The following RECQL5 variants were observed in gnomAD, a reference collection of about 807,000 sequenced individuals.
RECQL5 encodes ATP-dependent DNA helicase Q5.
Under a neutral mutation model 103.4 loss-of-function variants are expected in RECQL5, and 88 were observed. That is an observed-to-expected ratio of 0.85 (90% CI 0.72 to 1.02). The LOEUF is 1.02. Among genes scored for constraint, RECQL5 ranks in the 50% least tolerant of loss-of-function variants. RECQL5 has a pLI of 0.00. For missense variants in RECQL5, 1,232 were observed against 1,284.3 expected (o/e 0.96, Z 0.62); for synonymous variants, 552 against 507.9 (o/e 1.09, Z -1.17).
intron 15 of RECQL5, 77 bp from the exon 16 acceptor site, chr17:75,629,552 T>A: frequency 6.7e-7 from 1 of 1,495,584 alleles, no homozygotes; most frequent in Non-Finnish European, 8.9e-7. Context: ...GAGCAGTAAC[T>A]CACATTGGGA....
chr17:75,632,877 G>A (rs979833891), intron 8 of RECQL5, among the ~76,000 whole-genome samples: 1 of 152,226 alleles, frequency 6.6e-6, no homozygotes, highest in Non-Finnish European at 1.5e-5. Flanking sequence ...GACAAGAATA[G>A]CTGGCATTAA....
intron 7 of RECQL5, among the ~76,000 whole-genome samples, chr17:75,657,769 G>C (rs866464638): frequency 1.4e-5 from 2 of 147,812 alleles, no homozygotes; most frequent in Non-Finnish European, 3.0e-5. Flanking sequence ...AAAAAAAAAA[G>C]GTGGGCACAG....
Position 75,630,977 on chromosome 17 carries a change from G to C in RECQL5, c.1582C>G (p.Pro528Ala). 6.2e-7 allele frequency: 1 copy of C among 1,613,822 alleles called. No homozygotes were observed. The highest frequency in any genetic ancestry group is 8.5e-7 in the Non-Finnish European group (1 of 1,179,912). ...KDPKIEEFVP[P>A]DENCPLKEAS... Reference sequence around the variant, plus strand: ...CCAGGAACATTTCTGTACTGACCTGGGGGTACAAATTCTTCTATCTTGGGG... The same window carrying C: ...CCAGGAACATTTCTGTACTGACCTGCGGGTACAAATTCTTCTATCTTGGGG... The change falls in exon 11 of 20, where the codon CCA becomes GCA. Residue 528 changes from proline (P) to alanine (A), a missense_variant. Transcript: ENST00000317905.
At position 75,665,071 on chromosome 17, in the gene RECQL5, G is replaced by A. The variant is rs1245964295; in HGVS notation, c.232C>T (p.Pro78Ser). 1.2e-6 allele frequency: 2 copies of A among 1,606,654 alleles called. No homozygotes were observed. The highest frequency in any genetic ancestry group is 1.7e-6 in the Non-Finnish European group (2 of 1,177,444). The change falls in exon 3 of 20, where the codon CCT becomes TCT. Residue 78 changes from proline to serine, a missense_variant. Coordinates refer to ENST00000317905, the MANE Select transcript of RECQL5 (RefSeq NM_004259.7). ...LAKGITIVVS[P>S]LIALIQDQVD... ...CTCACCTGAATCAAAGCAATGAGAGGAGAGACTACAATGGTGATGCCTTTG... is the reference window on the plus strand; with the variant it reads ...CTCACCTGAATCAAAGCAATGAGAGAAGAGACTACAATGGTGATGCCTTTG...
chr17:75,635,366 G>A (rs2059300498), intron 8 of RECQL5, among the ~76,000 whole-genome samples: 1 of 152,174 alleles, frequency 6.6e-6, no homozygotes, highest in Non-Finnish European at 1.5e-5. Context: ...TCCCTGTCCT[G>A]CATCCACAGG....
intron 3 of RECQL5, 96 bp from the exon 4 acceptor site, chr17:75,663,093 TC>T: frequency 8.6e-7 from 1 of 1,164,630 alleles, no homozygotes; most frequent in Non-Finnish European, 1.2e-6. Context: ...ACTGTCCTCC[TC>T]CCACCCTCCA....
chr17:75,661,793 C>A, intron 4 of RECQL5, 85 bp from the exon 5 acceptor site: 1 of 969,116 alleles, frequency 1.0e-6, no homozygotes, highest in Non-Finnish European at 1.6e-6. Context: ...CTAAAAGAAG[C>A]TCTGTGTTCC....
chr17:75,631,406 A>AG, intron 9 of RECQL5, 44 bp downstream of exon 9: 1 of 1,588,182 alleles, frequency 6.3e-7, no homozygotes, highest in Non-Finnish European at 8.6e-7. Context: ...AGGGAATGCC[A>AG]GGCAATTCCA....
Position 75,636,293 on chromosome 17 carries a change from G to A in RECQL5, c.1230-4625C>T, listed in dbSNP as rs550124019. Among the ~76,000 whole-genome samples the A allele has an allele frequency of 5.2e-4, 79 of 152,204 alleles. 1 individual carries two copies. The highest frequency in any genetic ancestry group is 1.6e-3 in the African/African-American group (65 of 41,508). ...GGTTCGCAGGTGGGCACTACCAAGCGTGGGGTTGGGAGGGACTGGTTGCCC... is the reference window on the plus strand; with the variant it reads ...GGTTCGCAGGTGGGCACTACCAAGCATGGGGTTGGGAGGGACTGGTTGCCC... On this transcript the variant is annotated intron_variant, in intron 8 of 19. Coordinates refer to ENST00000317905, the MANE Select transcript of RECQL5 (RefSeq NM_004259.7). This position sits in a 1 kb window ranked among gnomAD's most constrained non-coding sequence, Gnocchi z 5.4.
chr17:75,645,508 T>C (rs771587849), intron 8 of RECQL5, among the ~76,000 whole-genome samples: 1 of 152,220 alleles, frequency 6.6e-6, no homozygotes, highest in Non-Finnish European at 1.5e-5. Context: ...AATTCAATTA[T>C]GTAATTACAA....
rs1262831741 is a variant in RECQL5 at position 75,629,102 on chromosome 17, C to T, written c.2321G>A (p.Ser774Asn). 2 of 1,613,670 alleles carry T rather than the reference C, an allele frequency of 1.2e-6. No homozygotes were observed. The highest frequency in any genetic ancestry group is 4.5e-5 in the East Asian group (2 of 44,880). Reference protein sequence around the residue: ...IARFFCRRVESPALLASAPEA... With the variant: ...IARFFCRRVENPALLASAPEA... The stretch of plus-strand genomic sequence containing the variant: ...TGGGGCTGATGCCAGCAGAGCTGGG[C>T]TTTCCACCCTTCGGCAGAAGAAGCG... The change falls in exon 16 of 20, where the codon AGC (serine) becomes AAC (asparagine). Residue 774 changes from serine to asparagine, a missense_variant. Ser to Asn is a conservative substitution (Grantham distance 46). Coordinates refer to ENST00000317905, the MANE Select transcript of RECQL5 (RefSeq NM_004259.7).
chr17:75,627,357 G>C lies in RECQL5; in HGVS notation c.*65C>G. 1 of 1,216,202 alleles carries C rather than the reference G, an allele frequency of 8.2e-7. No individual in the cohort carries two copies. The highest frequency in any genetic ancestry group is 1.2e-6 in the Non-Finnish European group (1 of 824,610). The allele number at this position is 1,216,202 out of a possible 1,614,324, so 75.3% of individuals were successfully genotyped here. On this transcript the variant is annotated 3_prime_UTR_variant, in exon 20 of 20. Transcript: ENST00000317905. ...GACGATGGCCCTGGCATCAGCAGGT[G>C]AGGCCCAGGATGACCCATGCTAGAA...
chr17:75,661,326 C>A (rs1320783318), intron 5 of RECQL5, among the ~76,000 whole-genome samples: 1 of 152,244 alleles, frequency 6.6e-6, no homozygotes, highest in Non-Finnish European at 1.5e-5. Flanking sequence ...GCCTCCAAAG[C>A]CTGTGCTCTT....
At chr17:75,635,008 A>AGG (rs2059292251) in intron 8 of RECQL5, among the ~76,000 whole-genome samples, 1 of 152,146 alleles carries the variant, frequency 6.6e-6, no homozygotes, top group Non-Finnish European at 1.5e-5. Context: ...CCTCCTGGGC[A>AGG]GGGCCCGTGA....
chr17:75,641,240 G>A, intron 8 of RECQL5: 1 of 235,322 alleles, frequency 4.2e-6, no homozygotes, highest in South Asian at 9.1e-5. Flanking sequence ...CCACCTGTGG[G>A]CAATTGGCCC....
chr17:75,634,748 G>C (rs2148257160), intron 8 of RECQL5, among the ~76,000 whole-genome samples: 1 of 152,326 alleles, frequency 6.6e-6, no homozygotes, highest in South Asian at 2.1e-4. Context: ...TCCTCCCTGG[G>C]CCCATCTAGA....
Position 75,629,255 on chromosome 17 carries a change from TAGTG to T in RECQL5, c.2164_2167del (p.His722MetfsTer31), listed in dbSNP as rs1269483728. ...CTTCTTCTCAGGGGAGGGCCCCCCATAGTGAGCGCTGCCTCCAGGGACCTCCCCT... is the reference window on the plus strand; with the variant it reads ...CTTCTTCTCAGGGGAGGGCCCCCCATAGCGCTGCCTCCAGGGACCTCCCCT... On this transcript the variant is annotated frameshift_variant, in exon 16 of 20. Coordinates refer to ENST00000317905, the MANE Select transcript of RECQL5 (RefSeq NM_004259.7). LOFTEE classifies it high-confidence loss of function. 6.2e-7 allele frequency: 1 copy of T among 1,611,206 alleles called. No individual in the cohort carries two copies. Among genetic ancestry groups the T allele is most frequent in the East Asian group, 2.2e-5 (1 of 44,838 alleles).
chr17:75,634,286 T>C, intron 8 of RECQL5: 1 of 982,306 alleles, frequency 1.0e-6, no homozygotes, highest in Non-Finnish European at 1.2e-6. Context: ...GGCCACAGTC[T>C]ACCATAAACA....
At chr17:75,666,210 G>C (rs541633198) in intron 2 of RECQL5, among the ~76,000 whole-genome samples, 1 of 152,232 alleles carries the variant, frequency 6.6e-6, no homozygotes, top group East Asian at 1.9e-4. Context: ...AGGATTGCCT[G>C]AGCCCAGGAT....
Sources: allele counts gnomAD v4.1 joint callset (sites outside exome capture counted in the v4.1 genomes callset), GRCh38; gene constraint gnomAD v4.1.1; non-coding constraint Gnocchi (gnomAD v3.1); transcripts MANE v1.5; gene names NCBI Gene and HGNC (gene_info 2026-07-23, HGNC 2026-07-21).